Variants in RAPGEF5 observed in about 807,000 individuals in gnomAD.
RAPGEF5 encodes Rap guanine nucleotide exchange factor 5.
In RAPGEF5, 65 loss-of-function variants were observed where a neutral mutation model predicts 125.2. The observed-to-expected ratio is 0.52, with a 90% confidence interval of 0.43 to 0.64. RAPGEF5 has a LOEUF of 0.64. RAPGEF5 is among the 30% of genes least tolerant of loss of function. The pLI is 0.00. For missense variants in RAPGEF5, 958 were observed against 1,048.1 expected (o/e 0.91, Z 1.19); for synonymous variants, 391 against 385.9 (o/e 1.01, Z -0.16).
At chr7:22,161,458 G>T (rs1177793520) in intron 13 of RAPGEF5, among the ~76,000 whole-genome samples, 1 of 151,194 alleles carries the variant, frequency 6.6e-6, no homozygotes, top group South Asian at 2.1e-4. Context: ...GATCTCTCAA[G>T]CTCAAGAGTT....
chr7:22,219,693 T>C (rs999882086), intron 9 of RAPGEF5, among the ~76,000 whole-genome samples, 173 bp downstream of exon 9: 1 of 152,144 alleles, frequency 6.6e-6, no homozygotes, highest in African/African-American at 2.4e-5. Context: ...ATAAGCCACT[T>C]GCTTAGAGCT....
chr7:22,353,230 A>G (rs1458438877), intron 1 of RAPGEF5, among the ~76,000 whole-genome samples: 1 of 152,210 alleles, frequency 6.6e-6, no homozygotes, highest in Non-Finnish European at 1.5e-5. Context: ...ACTGGCATGA[A>G]AAAAGGGAGG....
chr7:22,151,407 T>C (rs1783621858), intron 17 of RAPGEF5, among the ~76,000 whole-genome samples: 1 of 152,114 alleles, frequency 6.6e-6, no homozygotes, highest in South Asian at 2.1e-4. Flanking sequence ...GACAATATAT[T>C]TTCCTAAAAA....
chr7:22,308,440 G>C lies in RAPGEF5; in HGVS notation c.579C>G (p.Tyr193Ter). Residue 193 changes from tyrosine to a stop codon, truncating the protein, a stop_gained, in exon 5 of 26, where the codon TAC becomes TAG. Coordinates refer to ENST00000665637, the MANE Select transcript of RAPGEF5 (RefSeq NM_012294.5). LOFTEE classifies it high-confidence loss of function. ...FYQFSSDECSYLYCEFEREEE... is the reference protein window; with the variant it reads ...FYQFSSDECS ...CTTCTCTTTCAAATTCACAGTACAA[G>C]TAGCTACATTCATCAGAGGAAAACT... 6.3e-7 allele frequency: 1 copy of C among 1,577,684 alleles called. No individual in the cohort carries two copies. Among genetic ancestry groups the C allele is most frequent in the East Asian group, 2.3e-5 (1 of 43,654 alleles).
chr7:22,181,519 T>C (rs1252899686), intron 11 of RAPGEF5, among the ~76,000 whole-genome samples: 2 of 150,950 alleles, frequency 1.3e-5, no homozygotes, highest in African/African-American at 4.9e-5. Flanking sequence ...ATATCCTAAA[T>C]GCCAGACAAG....
intron 2 of RAPGEF5, among the ~76,000 whole-genome samples, chr7:22,316,480 TA>T (rs1286455838): frequency 0.1 from 5,162 of 49,796 alleles, 162 homozygotes; most frequent in Non-Finnish European, 0.13. Flanking sequence ...TATATATATA[TA>T]TATATATATT....
At chr7:22,314,536 A>G (rs145642714) in intron 3 of RAPGEF5, 609 of 764,758 alleles carry the variant, frequency 8.0e-4, no homozygotes, top group Middle Eastern at 2.0e-3. Flanking sequence ...AAGTTTATTT[A>G]ACATAAAGGA....
intron 8 of RAPGEF5, 33 bp from the exon 9 acceptor site, chr7:22,220,024 T>TA: frequency 6.2e-7 from 1 of 1,611,372 alleles, no homozygotes; most frequent in Non-Finnish European, 8.5e-7. Flanking sequence ...AAGATATACT[T>TA]AAAACCACAG....
chr7:22,207,396 G>T (rs529505260), intron 9 of RAPGEF5, among the ~76,000 whole-genome samples: 97 of 152,258 alleles, frequency 6.4e-4, no homozygotes, highest in African/African-American at 2.3e-3. Context: ...CCCAGGGAAG[G>T]GTAGCTAAGT....
Position 22,156,884 on chromosome 7 carries a change from T to C in RAPGEF5, c.1562A>G (p.Lys521Arg). 6.2e-7 allele frequency: 1 copy of C among 1,613,930 alleles called. No individual in the cohort carries two copies. Among genetic ancestry groups the C allele is most frequent in the South Asian group, 1.1e-5 (1 of 91,070 alleles). ...VDEYSPQKKN[K>R]ALFHQFSLKE... ...AAGACTGAATTGGTGGAAAAGGGCT[T>C]TATTCTGTGAGATGGGAGAAAGAGA... is the stretch of plus-strand genomic sequence containing the variant. Residue 521 changes from lysine to arginine, a missense_variant, in exon 16 of 26, where the codon AAA becomes AGA. Physicochemically the swap from Lys to Arg is conservative, Grantham distance 26. Coordinates refer to ENST00000665637, the MANE Select transcript of RAPGEF5 (RefSeq NM_012294.5).
At chr7:22,156,181 G>A (rs1783800646) in intron 16 of RAPGEF5, among the ~76,000 whole-genome samples, 1 of 152,224 alleles carries the variant, frequency 6.6e-6, no homozygotes, top group Admixed American at 6.5e-5. Flanking sequence ...GAGTCTGTGA[G>A]TTATAATTGC....
chr7:22,219,618 T>C (rs898703354), intron 9 of RAPGEF5, among the ~76,000 whole-genome samples: 3 of 152,092 alleles, frequency 2.0e-5, no homozygotes, highest in African/African-American at 7.2e-5. Context: ...TCATATTTGC[T>C]TAAATGTATT....
intron 8 of RAPGEF5, 104 bp downstream of exon 8, chr7:22,230,742 A>C: frequency 9.0e-7 from 1 of 1,109,394 alleles, no homozygotes; most frequent in African/African-American, 1.6e-5. Flanking sequence ...GGCTATTTAC[A>C]AAACATAAAA....
At chr7:22,237,632 G>A (rs1031835503) in intron 7 of RAPGEF5, among the ~76,000 whole-genome samples, 6 of 152,018 alleles carry the variant, frequency 3.9e-5, no homozygotes, top group African/African-American at 1.5e-4. Context: ...TTAGCCCCTA[G>A]TTTTAGTTGG....
At chr7:22,196,069 T>A (rs1434856554) in intron 9 of RAPGEF5, among the ~76,000 whole-genome samples, 1 of 152,216 alleles carries the variant, frequency 6.6e-6, no homozygotes, top group East Asian at 1.9e-4. Context: ...AAGAGCTGAA[T>A]CATATTGATG....
rs1785088681 is a variant in RAPGEF5, at chr7:22,194,033, G to T, written c.997C>A (p.Gln333Lys). The change falls in exon 10 of 26, where the codon CAA becomes AAA. Residue 333 changes from glutamine to lysine, a missense_variant and splice_region_variant. Physicochemically the swap from Gln to Lys is moderately conservative, Grantham distance 53. Transcript: ENST00000665637. The part of the protein sequence containing the change: ...DKKEQEKSEH[Q>K]DDEVTTVQVK... ...TGAACAGTCGTCACTTCATCATCTT[G>T]CTTTAATTGTGGACAGGGATGATGG... 1.2e-6 allele frequency: 2 copies of T among 1,610,744 alleles called. No individual in the cohort carries two copies. The highest frequency in any genetic ancestry group is 1.3e-5 in the African/African-American group (1 of 74,878).
intron 1 of RAPGEF5, among the ~76,000 whole-genome samples, chr7:22,338,822 T>C (rs1784072477): frequency 6.6e-6 from 1 of 152,198 alleles, no homozygotes; most frequent in East Asian, 1.9e-4. Flanking sequence ...AGTTGGTAGC[T>C]AGTCAGACAT....
At chr7:22,153,225 T>C (rs1173066012) in intron 17 of RAPGEF5, among the ~76,000 whole-genome samples, 1 of 152,214 alleles carries the variant, frequency 6.6e-6, no homozygotes, top group Non-Finnish European at 1.5e-5. Flanking sequence ...GAGAGGTGGA[T>C]GCTTAAGCTT....
In RAPGEF5 at chr7:22,121,515, C is replaced by T. The variant is rs544647029; in HGVS notation, c.*891G>A. The stretch of plus-strand genomic sequence containing the variant: ...GCATCATCAGGCACAAGAATGCAGA[C>T]TTTTGTGACTCTGTCACCTCAGCAA... On this transcript the variant is annotated 3_prime_UTR_variant, in exon 26 of 26. Coordinates refer to ENST00000665637, the MANE Select transcript of RAPGEF5 (RefSeq NM_012294.5). 1 of 152,264 alleles carries T rather than the reference C, an allele frequency of 6.6e-6. No homozygotes were observed. The highest frequency in any genetic ancestry group is 2.4e-5 in the African/African-American group (1 of 41,554). 9.4% of individuals were successfully genotyped at this position (152,264 alleles called of 1,614,324 possible). A position where few individuals can be genotyped will look rare whatever the true frequency, so the allele number is the denominator to read the frequency against.
Sources: gnomAD v4.1 joint callset for allele counts (sites outside exome capture counted in the v4.1 genomes callset) on GRCh38, gnomAD v4.1.1 for gene constraint, MANE v1.5 for transcripts, NCBI Gene and HGNC (gene_info 2026-07-23, HGNC 2026-07-21) for gene names.